Variants in MARK3 observed in about 807,000 individuals in gnomAD.
MARK3 encodes the protein MAP/microtubule affinity-regulating kinase 3.
A neutral mutation model predicts 90.1 loss-of-function variants in MARK3; 46 were observed. The observed-to-expected ratio is 0.51, with a 90% CI of 0.40 to 0.65. The LOEUF (loss-of-function observed/expected upper bound fraction) is 0.65, where lower values mean the gene tolerates loss of function less well. MARK3 is among the 30% of genes least tolerant of loss of function. MARK3 has a pLI of 0.00. For missense variants in MARK3, 818 were observed against 947.2 expected, an observed-to-expected ratio of 0.86 and a Z score of 1.79; for synonymous variants, 321 against 332.6, an observed-to-expected ratio of 0.97 and a Z score of 0.38.
chr14:103,474,046 T>A (rs71421272), intron 12 of MARK3, among the ~76,000 whole-genome samples: 140,105 of 144,940 alleles, frequency 0.97, 67,880 homozygotes, highest in Non-Finnish European at 1. Flanking sequence ...AAAAAAAAAA[T>A]ATATACAAAA....
chr14:103,444,394 T>C (rs565987252), intron 3 of MARK3, among the ~76,000 whole-genome samples: 1 of 152,308 alleles, frequency 6.6e-6, no homozygotes, highest in African/African-American at 2.4e-5. Flanking sequence ...ATTCTTTCAA[T>C]TTATACGTTT....
At chr14:103,456,481 CTTACCCCAG>C (rs1047404199) in intron 5 of MARK3, among the ~76,000 whole-genome samples, 7 of 152,206 alleles carry the variant, frequency 4.6e-5, no homozygotes, top group Non-Finnish European at 8.8e-5. Flanking sequence ...ACTGTGGAAT[CTTACCCCAG>C]ATAACTACAT....
intron 3 of MARK3, among the ~76,000 whole-genome samples, chr14:103,442,383 T>A (rs200992658): frequency 7.0e-4 from 92 of 131,740 alleles, no homozygotes; most frequent in Non-Finnish European, 8.4e-4. Flanking sequence ...AAAAAAAAAA[T>A]AACAGCACTT....
chr14:103,459,427 A>G (rs2093348472), intron 6 of MARK3, among the ~76,000 whole-genome samples: 1 of 152,158 alleles, frequency 6.6e-6, no homozygotes, highest in Non-Finnish European at 1.5e-5. Flanking sequence ...TTTGCCTAAA[A>G]CAGCTCCATT....
chr14:103,463,519 G>T (rs192918303), intron 7 of MARK3, among the ~76,000 whole-genome samples: 2 of 152,232 alleles, frequency 1.3e-5, no homozygotes, highest in East Asian at 3.9e-4. Flanking sequence ...TCTCATTCAG[G>T]TGTCTGATGT....
intron 2 of MARK3, among the ~76,000 whole-genome samples, chr14:103,421,299 A>C (rs2092211066): frequency 6.6e-6 from 1 of 152,230 alleles, no homozygotes; most frequent in East Asian, 1.9e-4. Context: ...GCAGAAACCT[A>C]ACCCCCAGAA....
At chr14:103,413,547 C>T (rs956064777) in intron 2 of MARK3, among the ~76,000 whole-genome samples, 2 of 151,476 alleles carry the variant, frequency 1.3e-5, no homozygotes, top group African/African-American at 4.8e-5. Context: ...TTCAGCCTCC[C>T]CAGTAGCTGG....
At chr14:103,483,933 TATTA>T (rs2093873547) in intron 14 of MARK3, among the ~76,000 whole-genome samples, 1 of 152,244 alleles carries the variant, frequency 6.6e-6, no homozygotes, top group Non-Finnish European at 1.5e-5. Flanking sequence ...TAGCTTTCAT[TATTA>T]ATTATAGACT....
chr14:103,419,130 T>C (rs1464670976), intron 2 of MARK3, among the ~76,000 whole-genome samples: 2 of 152,016 alleles, frequency 1.3e-5, no homozygotes, highest in East Asian at 1.9e-4. Context: ...CTACTAAAAA[T>C]ACGAAAACAA....
chr14:103,452,506 C>A (rs989731640), intron 5 of MARK3, among the ~76,000 whole-genome samples: 4 of 80,822 alleles, frequency 4.9e-5, no homozygotes, highest in African/African-American at 1.3e-4. Context: ...GAGTCTCGCT[C>A]TGTCGCCCAG....
At chr14:103,451,834 T>C in intron 4 of MARK3, 84 bp from the exon 5 acceptor site, 3 of 919,354 alleles carry the variant, frequency 3.3e-6, no homozygotes, top group Non-Finnish European at 4.9e-6. Flanking sequence ...AAAGGTTGCT[T>C]TTCATAGTTA....
At chr14:103,404,366 C>G (rs1227794327) in intron 1 of MARK3, among the ~76,000 whole-genome samples, 3 of 152,086 alleles carry the variant, frequency 2.0e-5, no homozygotes, top group Non-Finnish European at 2.9e-5. Context: ...ACATCTAATC[C>G]TTTGAGTGTG....
At chr14:103,488,278 C>T (rs2093963618) in intron 14 of MARK3, among the ~76,000 whole-genome samples, 1 of 152,022 alleles carries the variant, frequency 6.6e-6, no homozygotes, top group Admixed American at 6.6e-5. Context: ...CCTCCTTGGC[C>T]GTAGTTCCAT....
At chr14:103,394,077 A>G (rs900306572) in intron 1 of MARK3, among the ~76,000 whole-genome samples, 1 of 151,996 alleles carries the variant, frequency 6.6e-6, no homozygotes, top group Non-Finnish European at 1.5e-5. Context: ...TATGCCTGGA[A>G]TTTTTTCCTG....
intron 4 of MARK3, among the ~76,000 whole-genome samples, chr14:103,450,650 G>A (rs557008597): frequency 6.6e-6 from 1 of 152,206 alleles, no homozygotes; most frequent in Non-Finnish European, 1.5e-5. Context: ...CTAGGGAATG[G>A]TATGATAGCT....
intron 1 of MARK3, among the ~76,000 whole-genome samples, chr14:103,396,659 C>T (rs544674589): frequency 1.1e-4 from 16 of 152,018 alleles, no homozygotes; most frequent in East Asian, 1.9e-4. Flanking sequence ...AGTAGAGTAG[C>T]GTTTCCCCTT....
intron 2 of MARK3, among the ~76,000 whole-genome samples, chr14:103,423,746 G>A (rs564939854): frequency 1.2e-4 from 18 of 152,328 alleles, no homozygotes; most frequent in African/African-American, 4.3e-4. Context: ...CTTCCTTGCT[G>A]CACGTACACA....
chr14:103,420,769 C>T (rs905511740), intron 2 of MARK3, among the ~76,000 whole-genome samples: 1 of 152,108 alleles, frequency 6.6e-6, no homozygotes, highest in South Asian at 2.1e-4. Context: ...TTTGGTAATC[C>T]TTTTCGGACA....
intron 3 of MARK3, among the ~76,000 whole-genome samples, chr14:103,445,467 G>C (rs2092970959): frequency 6.6e-6 from 1 of 152,130 alleles, no homozygotes; most frequent in Non-Finnish European, 1.5e-5. Flanking sequence ...AATACATAAA[G>C]TTATTTGGGC....
Sources: allele counts gnomAD v4.1 joint callset (sites outside exome capture counted in the v4.1 genomes callset), GRCh38; gene constraint gnomAD v4.1.1; transcripts MANE v1.5; gene names NCBI Gene and HGNC (gene_info 2026-07-23, HGNC 2026-07-21).